Variants in DEPTOR observed in about 807,000 individuals in gnomAD.
DEPTOR encodes DEP domain-containing mTOR-interacting protein.
A neutral mutation model predicts 41.6 loss-of-function variants in DEPTOR; 41 were observed. The ratio of observed to expected loss-of-function variants is 0.98; its 90% CI spans 0.77 to 1.28. The LOEUF (loss-of-function observed/expected upper bound fraction) is 1.28. Among genes scored for constraint, DEPTOR ranks in the 50% most tolerant of loss-of-function variants. DEPTOR has a pLI of 0.00. For synonymous variants in DEPTOR, 195 were observed against 192.3 expected (o/e 1.01, Z -0.12); for missense variants, 514 against 527.9 (o/e 0.97, Z 0.26).
chr8:119,979,243 A>G (rs142959174), intron 4 of DEPTOR, among the ~76,000 whole-genome samples: 75 of 152,254 alleles, frequency 4.9e-4, no homozygotes, highest in African/African-American at 1.8e-3. Context: ...GTTATTTTAA[A>G]ATCAACATTT....
In DEPTOR at chr8:119,886,760, G is replaced by A. The variant is rs79347357; in HGVS notation, c.122+12792G>A. Among the ~76,000 whole-genome samples the A allele has an allele frequency of 4.5e-3, 684 of 152,226 alleles. 5 individuals are homozygous for A. The highest frequency in any genetic ancestry group is 7.1e-3 in the Non-Finnish European group (481 of 68,006). On this transcript the variant is annotated intron_variant, in intron 1 of 8. Coordinates refer to ENST00000286234, the MANE Select transcript of DEPTOR (RefSeq NM_022783.4). ...CTTTGCAAATGTAAAACTACGATGCGGGAGGTCAACACTGTGATAGTAATC... is the reference window on the plus strand; with the variant it reads ...CTTTGCAAATGTAAAACTACGATGCAGGAGGTCAACACTGTGATAGTAATC...
intron 4 of DEPTOR, among the ~76,000 whole-genome samples, chr8:119,991,149 G>T (rs1812168119): frequency 7.0e-6 from 1 of 142,184 alleles, no homozygotes; most frequent in Non-Finnish European, 1.5e-5. Context: ...CTTGGTTTGG[G>T]GGTACATGCG....
At chr8:119,984,929 G>A (rs538928510) in intron 4 of DEPTOR, among the ~76,000 whole-genome samples, 15 of 152,280 alleles carry the variant, frequency 9.9e-5, no homozygotes, top group Admixed American at 5.9e-4. Context: ...GCTCATGCCT[G>A]TAATTCCAGC....
In DEPTOR at chr8:120,033,481, G is replaced by A. The variant is rs201087946; in HGVS notation, c.1102-16095G>A. 1.4e-4 allele frequency among the ~76,000 whole-genome samples: 22 copies of A among 152,280 alleles called. No individual in the cohort carries two copies. In the East Asian group the frequency reaches 4.3e-3, roughly 29 times the overall value. On this transcript the variant is annotated intron_variant, in intron 8 of 8. Coordinates refer to ENST00000286234, the MANE Select transcript of DEPTOR (RefSeq NM_022783.4). ...AGAGCCAGAAGCCAAGCTAGCCCAG[G>A]TCTGTCTGGCTCCAGAGCCCTTGGT...
chr8:119,882,730 T>C (rs1222085616), intron 1 of DEPTOR, among the ~76,000 whole-genome samples: 2 of 152,136 alleles, frequency 1.3e-5, no homozygotes, highest in East Asian at 1.9e-4. Flanking sequence ...TAGCTTTCAT[T>C]TGAGTCAGGA....
At chr8:120,014,148 T>C (rs1335945031) in intron 8 of DEPTOR, among the ~76,000 whole-genome samples, 4 of 152,188 alleles carry the variant, frequency 2.6e-5, no homozygotes, top group Non-Finnish European at 5.9e-5. Context: ...GGACTTTTGT[T>C]TGGCACTACA....
At chr8:120,001,828 A>G (rs1359044028) in intron 5 of DEPTOR, 118 bp downstream of exon 5, 1 of 1,244,266 alleles carries the variant, frequency 8.0e-7, no homozygotes, top group East Asian at 2.6e-5. Context: ...TTACTTATTC[A>G]TAACCAAGAA....
intron 3 of DEPTOR, among the ~76,000 whole-genome samples, chr8:119,964,869 T>C (rs1397032216): frequency 6.6e-6 from 1 of 151,350 alleles, no homozygotes; most frequent in Non-Finnish European, 1.5e-5. Context: ...AGGTTGGGAG[T>C]TCAAGACCAG....
intron 3 of DEPTOR, among the ~76,000 whole-genome samples, chr8:119,948,619 G>A (rs1776500492): frequency 2.0e-5 from 3 of 152,026 alleles, no homozygotes; most frequent in Middle Eastern, 3.4e-3. Flanking sequence ...AATCACAGAT[G>A]TATGCAACCA....
intron 1 of DEPTOR, 119 bp from the exon 2 acceptor site, chr8:119,928,281 G>A: frequency 9.3e-7 from 1 of 1,080,816 alleles, no homozygotes. Context: ...GCGAGCTAAA[G>A]ATATTCAATG....
At chr8:120,047,423 A>T (rs1405615885) in intron 8 of DEPTOR, among the ~76,000 whole-genome samples, 3 of 152,182 alleles carry the variant, frequency 2.0e-5, no homozygotes, top group Non-Finnish European at 4.4e-5. Flanking sequence ...GCTGGAGTGC[A>T]ATGGTGTGAT....
At chr8:119,928,279 A>C in intron 1 of DEPTOR, 121 bp from the exon 2 acceptor site, 1 of 1,068,156 alleles carries the variant, frequency 9.4e-7, no homozygotes, top group South Asian at 1.7e-5. Flanking sequence ...AAGCGAGCTA[A>C]AGATATTCAA....
intron 8 of DEPTOR, among the ~76,000 whole-genome samples, chr8:120,015,840 T>C (rs1438274491): frequency 6.6e-6 from 1 of 152,098 alleles, no homozygotes; most frequent in Non-Finnish European, 1.5e-5. Context: ...GTCATTCACG[T>C]AGCCCGAAAA....
At chr8:119,938,881 CT>C (rs1050718535) in intron 3 of DEPTOR, among the ~76,000 whole-genome samples, 1 of 98,962 alleles carries the variant, frequency 1.0e-5, no homozygotes, top group African/African-American at 3.2e-5. Flanking sequence ...CTGCCTTCCC[CT>C]CTCTCTCTCT....
At chr8:119,892,697 T>G (rs1038534688) in intron 1 of DEPTOR, among the ~76,000 whole-genome samples, 1 of 152,136 alleles carries the variant, frequency 6.6e-6, no homozygotes, top group Admixed American at 6.5e-5. Context: ...CCAACACATT[T>G]GTCTACATGT....
At chr8:119,933,488 A>G (rs1293683643) in intron 3 of DEPTOR, among the ~76,000 whole-genome samples, 3 of 149,222 alleles carry the variant, frequency 2.0e-5, no homozygotes, top group Admixed American at 6.6e-5. Context: ...ACACACACAC[A>G]CACACACACA....
intron 1 of DEPTOR, among the ~76,000 whole-genome samples, chr8:119,907,461 C>T: frequency 6.6e-6 from 1 of 152,020 alleles, no homozygotes; most frequent in East Asian, 1.9e-4. Flanking sequence ...TTTGCTTGTA[C>T]TAAAATCAAG....
Position 120,006,856 on chromosome 8 carries a change from A to G in DEPTOR, c.977A>G (p.Tyr326Cys). Reference sequence around the variant, plus strand: ...GAACTCCTTACTCCCGGGGCTCCGTATGCAAGGAAGACATTCACGGTAGGC... The same window carrying G: ...GAACTCCTTACTCCCGGGGCTCCGTGTGCAAGGAAGACATTCACGGTAGGC... ...SEELLTPGAP[Y>C]ARKTFTIVGD... The change falls in exon 7 of 9, where the codon TAT (tyrosine) becomes TGT (cysteine). Residue 326 changes from tyrosine (Y) to cysteine (C), a missense_variant. Transcript: ENST00000286234. The G allele has an allele frequency of 1.2e-6, 2 of 1,614,186 alleles. No homozygotes were observed. The highest frequency in any genetic ancestry group is 1.7e-6 in the Non-Finnish European group (2 of 1,180,034).
chr8:119,988,139 T>C (rs1828853055), intron 4 of DEPTOR, among the ~76,000 whole-genome samples: 1 of 152,152 alleles, frequency 6.6e-6, no homozygotes, highest in Non-Finnish European at 1.5e-5. Context: ...ACCCTGGTGG[T>C]GTAGGCACCC....
Sources: gnomAD v4.1 joint callset for allele counts (sites outside exome capture counted in the v4.1 genomes callset) on GRCh38, gnomAD v4.1.1 for gene constraint, MANE v1.5 for transcripts, NCBI Gene and HGNC (gene_info 2026-07-23, HGNC 2026-07-21) for gene names.